RHOT1: variants seen among roughly 807,000 people sequenced by gnomAD.
RHOT1 encodes mitochondrial Rho GTPase 1.
A neutral mutation model predicts 95.3 loss-of-function variants in RHOT1; 27 were observed. The observed-to-expected ratio is 0.28, with a 90% CI of 0.21 to 0.39. RHOT1 has a LOEUF of 0.39. Among genes scored for constraint, RHOT1 ranks in the 10% least tolerant of loss-of-function variants. RHOT1 has a pLI of 1.00. For missense variants in RHOT1, 578 were observed against 786.7 expected (o/e 0.73, Z 3.17); for synonymous variants, 227 against 263.5 (o/e 0.86, Z 1.34).
intron 11 of RHOT1, among the ~76,000 whole-genome samples, chr17:32,197,920 G>A (rs1319295030): frequency 6.7e-6 from 1 of 150,280 alleles, no homozygotes; most frequent in East Asian, 2.0e-4. Context: ...TTTGAGACAG[G>A]GTCTCATTCT....
chr17:32,186,509 G>A (rs946238292), intron 8 of RHOT1, among the ~76,000 whole-genome samples: 2 of 151,806 alleles, frequency 1.3e-5, no homozygotes, highest in East Asian at 1.9e-4. Context: ...AACTACAGGC[G>A]CCCACCACCA....
intron 13 of RHOT1, among the ~76,000 whole-genome samples, chr17:32,200,024 C>T (rs1417916129): frequency 3.4e-5 from 5 of 149,132 alleles, no homozygotes; most frequent in Non-Finnish European, 7.4e-5. Flanking sequence ...CTCACTGCAA[C>T]TCTGCCTCCT....
chr17:32,207,089 G>A (rs1312711623), intron 17 of RHOT1, 60 bp downstream of exon 17: 4 of 1,501,694 alleles, frequency 2.7e-6, no homozygotes, highest in African/African-American at 1.4e-5. Context: ...TTATGGAATT[G>A]CAGTGTGGTG....
intron 14 of RHOT1, among the ~76,000 whole-genome samples, chr17:32,202,324 G>A (rs970289269): frequency 6.6e-6 from 1 of 152,276 alleles, no homozygotes; most frequent in East Asian, 1.9e-4. Context: ...ACCCCAAAGT[G>A]TGTGTCCCTT....
intron 18 of RHOT1, among the ~76,000 whole-genome samples, chr17:32,210,148 A>G (rs1453739807): frequency 2.0e-5 from 3 of 152,258 alleles, no homozygotes; most frequent in Admixed American, 1.3e-4. Flanking sequence ...AAGCCTATAA[A>G]AAAATGTTCA....
chr17:32,176,535 G>T lies in RHOT1; in HGVS notation c.329+322G>T, dbSNP rs1235313588. Among the ~76,000 whole-genome samples the T allele has an allele frequency of 6.0e-5, 9 of 149,012 alleles. No individual in the cohort carries two copies. The Admixed American group carries it at 6.1e-4, about 10-fold the overall frequency. ...TCTTCCTCAAACTGCTGCTTGAAAA[G>T]TCTCAGTTTTATTTATTTATTTATT... On this transcript the variant is annotated intron_variant, in intron 6 of 19. Transcript: ENST00000545287.
rs1395390253 is a variant in RHOT1, at chr17:32,209,247, TC to T, written c.1739+939del. On this transcript the variant is annotated intron_variant, in intron 18 of 19. Transcript: ENST00000545287. ...TTTAGATGCAACAAACCCTTGAATTTCTATTTGTATTCGAAGACAAGTCATT... is the reference window on the plus strand; with the variant it reads ...TTTAGATGCAACAAACCCTTGAATTTTATTTGTATTCGAAGACAAGTCATT... 7.4e-6 allele frequency: 4 copies of T among 541,192 alleles called. No individual in the cohort carries two copies. The African/African-American group carries it at 7.8e-5, about 11-fold the overall frequency. The allele number at this position is 541,192 out of a possible 1,614,324, so 33.5% of individuals were successfully genotyped here.
chr17:32,204,031 T>C, intron 16 of RHOT1, 58 bp downstream of exon 16: 1 of 1,201,034 alleles, frequency 8.3e-7, no homozygotes, highest in South Asian at 1.3e-5. Flanking sequence ...TTTAAATGAC[T>C]CTTTGAAAAC....
chr17:32,183,558 G>C (rs1183761940), intron 8 of RHOT1, among the ~76,000 whole-genome samples: 1 of 152,188 alleles, frequency 6.6e-6, no homozygotes, highest in African/African-American at 2.4e-5. Flanking sequence ...CAAAGACTTA[G>C]CTAATGGTCT....
At chr17:32,150,748 C>T in intron 1 of RHOT1, 1 of 1,598,050 alleles carries the variant, frequency 6.3e-7, no homozygotes, top group Non-Finnish European at 8.6e-7. Flanking sequence ...CAGCCTCTCC[C>T]ACTGAGTATC....
intron 14 of RHOT1, among the ~76,000 whole-genome samples, chr17:32,201,747 T>C (rs1325083629): frequency 1.3e-5 from 2 of 152,270 alleles, no homozygotes; most frequent in Non-Finnish European, 1.5e-5. Flanking sequence ...TATATCTTAA[T>C]GTTAAATAAT....
intron 19 of RHOT1, among the ~76,000 whole-genome samples, chr17:32,214,045 T>G (rs2038295358): frequency 6.6e-6 from 1 of 152,178 alleles, no homozygotes; most frequent in Admixed American, 6.5e-5. Flanking sequence ...CAGTATACTT[T>G]TCAAACACTC....
At chr17:32,147,617 C>T (rs570419652) in intron 1 of RHOT1, among the ~76,000 whole-genome samples, 1 of 151,990 alleles carries the variant, frequency 6.6e-6, no homozygotes, top group Admixed American at 6.5e-5. Flanking sequence ...GTCAAGAGTT[C>T]GACACCAGCC....
intron 5 of RHOT1, 66 bp from the exon 6 acceptor site, chr17:32,176,095 G>A: frequency 6.3e-7 from 1 of 1,582,710 alleles, no homozygotes; most frequent in Non-Finnish European, 8.6e-7. Context: ...AATTTTAGGG[G>A]TCTAAGGGAA....
At chr17:32,171,149 T>C in intron 2 of RHOT1, 48 bp downstream of exon 2, 1 of 1,282,502 alleles carries the variant, frequency 7.8e-7, no homozygotes, top group East Asian at 2.5e-5. Context: ...TTTATCAAAA[T>C]CAAATTAAAA....
chr17:32,164,837 G>A (rs1443413637), intron 1 of RHOT1, among the ~76,000 whole-genome samples: 1 of 151,804 alleles, frequency 6.6e-6, no homozygotes, highest in East Asian at 2.0e-4. Context: ...CTGCACTTCA[G>A]CCTGGGTGAC....
chr17:32,214,991 C>T (rs916795995), intron 19 of RHOT1, among the ~76,000 whole-genome samples: 9 of 149,078 alleles, frequency 6.0e-5, no homozygotes, highest in Admixed American at 1.3e-4. Context: ...ACTGCAACCT[C>T]CACCTCCCAG....
chr17:32,207,109 C>A, intron 17 of RHOT1, 80 bp downstream of exon 17: 3 of 1,283,678 alleles, frequency 2.3e-6, no homozygotes, highest in South Asian at 1.5e-5. Flanking sequence ...GTTTCCTAAC[C>A]ACAAAAATGC....
chr17:32,168,440 T>C (rs569365625), intron 1 of RHOT1, among the ~76,000 whole-genome samples: 1 of 152,064 alleles, frequency 6.6e-6, no homozygotes, highest in East Asian at 1.9e-4. Context: ...TGGCTAATTT[T>C]TTAAAAACTG....
Sources: allele counts gnomAD v4.1 joint callset (sites outside exome capture counted in the v4.1 genomes callset), GRCh38; gene constraint gnomAD v4.1.1; transcripts MANE v1.5; gene names NCBI Gene and HGNC (gene_info 2026-07-23, HGNC 2026-07-21).